The following TBC1D16 variants were observed in gnomAD, a reference collection of about 807,000 sequenced individuals.
The protein encoded by TBC1D16 is CTD-2529O21.1.
A neutral mutation model predicts 74.7 loss-of-function variants in TBC1D16; 58 were observed. That is an observed-to-expected ratio of 0.78 (90% confidence interval 0.63 to 0.97). The LOEUF is 0.97. Ranked by LOEUF, TBC1D16 falls within the 50% of genes least tolerant of loss-of-function variation. TBC1D16 has a pLI of 0.00. For missense variants in TBC1D16, 1,014 were observed against 1,079.5 expected, an observed-to-expected ratio of 0.94 and a Z score of 0.85; for synonymous variants, 493 against 474.7, an observed-to-expected ratio of 1.04 and a Z score of -0.50.
At position 79,949,881 on chromosome 17, in the gene TBC1D16, A is replaced by G. The variant is rs780699116; in HGVS notation, c.1258-16T>C. 30 of 1,609,762 alleles carry G rather than the reference A, an allele frequency of 1.9e-5. No individual in the cohort carries two copies. In the East Asian group the frequency reaches 2.0e-4, roughly 11 times the overall value. ...AGAAAATGGCCTGGAGGAAGCGGCAAAAGTTGGGGAGGGGATAAAATGGGG... is the reference window on the plus strand; with the variant it reads ...AGAAAATGGCCTGGAGGAAGCGGCAGAAGTTGGGGAGGGGATAAAATGGGG... On this transcript the variant is annotated splice_polypyrimidine_tract_variant and intron_variant, in intron 6 of 11. Coordinates refer to ENST00000310924, the MANE Select transcript of TBC1D16 (RefSeq NM_019020.4).
rs2031841585 is a variant in TBC1D16, at chr17:79,939,886, CTTGG to C, written c.*969_*972del. 1 of 152,214 alleles carries C rather than the reference CTTGG, an allele frequency of 6.6e-6. No homozygotes were observed. The highest frequency in any genetic ancestry group is 2.4e-5 in the African/African-American group (1 of 41,436). The allele number at this position is 152,214 out of a possible 1,614,324, so 9.4% of individuals were successfully genotyped here. A position where few individuals can be genotyped will look rare whatever the true frequency, so the allele number is the denominator to read the frequency against. Reference sequence around the variant, plus strand: ...TCTAACTATTTCCAGGTGTCCTTGTCTTGGTTGGTCAGCTAATACACTACCACGT... The same window carrying C: ...TCTAACTATTTCCAGGTGTCCTTGTCTTGGTCAGCTAATACACTACCACGT... On this transcript the variant is annotated 3_prime_UTR_variant, in exon 12 of 12. Transcript: ENST00000310924.
chr17:79,996,297 T>C (rs977337081), intron 3 of TBC1D16, among the ~76,000 whole-genome samples: 3 of 152,194 alleles, frequency 2.0e-5, no homozygotes, highest in African/African-American at 7.2e-5. Flanking sequence ...TATATATTAT[T>C]AAGATATAAG....
At chr17:80,013,298 C>T (rs2035959261) in intron 2 of TBC1D16, 69 bp downstream of exon 2, 1 of 1,452,192 alleles carries the variant, frequency 6.9e-7, no homozygotes, top group South Asian at 1.3e-5. Context: ...TGGCCCAGGG[C>T]CTTTAGAGCC....
intron 1 of TBC1D16, chr17:80,025,965 C>T (rs2036570913): frequency 1.3e-5 from 2 of 149,958 alleles, no homozygotes; most frequent in Non-Finnish European, 2.9e-5. Flanking sequence ...AAACCTAAAA[C>T]TGCTCTAAAC....
At position 79,961,186 on chromosome 17, in the gene TBC1D16, G is replaced by A. The variant is rs2033599882; in HGVS notation, c.780-8368C>T. Among the ~76,000 whole-genome samples the A allele has an allele frequency of 6.6e-6, 1 of 152,182 alleles. No individual in the cohort carries two copies. Among genetic ancestry groups the A allele is most frequent in the Non-Finnish European group, 1.5e-5 (1 of 68,042 alleles). On this transcript the variant is annotated intron_variant, in intron 3 of 11. Coordinates refer to ENST00000310924, the MANE Select transcript of TBC1D16 (RefSeq NM_019020.4). The surrounding 1 kb of genome is among the most constrained non-coding windows in gnomAD (Gnocchi z 4.8). ...TGCTGATATGCATGACGATATGGAA[G>A]CATCTCAGTTGTATTATGTTAAGTG... is the stretch of plus-strand genomic sequence containing the variant.
In TBC1D16 at chr17:79,936,903, CAT is replaced by C. The variant is rs1491458556; in HGVS notation, c.*3954_*3955del. Reference sequence around the variant, plus strand: ...GTGTGTGTGCATGCGTGCGTGTGTGCATGTGCGTGTGTGTGTGTGTGTGTGTG... The same window carrying C: ...GTGTGTGTGCATGCGTGCGTGTGTGCGTGCGTGTGTGTGTGTGTGTGTGTG... On this transcript the variant is annotated 3_prime_UTR_variant, in exon 12 of 12. Transcript: ENST00000310924. The C allele has an allele frequency of 5.0e-3, 465 of 92,112 alleles. 1 individual carries two copies. The highest frequency in any genetic ancestry group is 0.018 in the South Asian group (49 of 2,656). The allele number at this position is 92,112 out of a possible 1,614,324, so 5.7% of individuals were successfully genotyped here.
rs115835273 is a variant in TBC1D16, at chr17:79,956,561, C to A, written c.780-3743G>T. Reference sequence around the variant, plus strand: ...GAGCCACCACGCTGGGCCCGGTGGTCGCTTTAAGTTGCTGAGTTTGAGGGC... The same window carrying A: ...GAGCCACCACGCTGGGCCCGGTGGTAGCTTTAAGTTGCTGAGTTTGAGGGC... On this transcript the variant is annotated intron_variant, in intron 3 of 11. Transcript: ENST00000310924. This position sits in a 1 kb window ranked among gnomAD's most constrained non-coding sequence, Gnocchi z 4.0. Among the ~76,000 whole-genome samples the A allele has an allele frequency of 6.6e-6, 1 of 152,230 alleles. No homozygotes were observed. Among genetic ancestry groups the A allele is most frequent in the African/African-American group, 2.4e-5 (1 of 41,540 alleles).
chr17:79,952,525 G>A lies in TBC1D16; in HGVS notation c.941+132C>T, dbSNP rs559693437. 16 of 1,160,132 alleles carry A rather than the reference G, an allele frequency of 1.4e-5. No individual in the cohort carries two copies. The African/African-American group carries it at 2.3e-4, about 17-fold the overall frequency. The allele number at this position is 1,160,132 out of a possible 1,614,324, so 71.9% of individuals were successfully genotyped here. A position where few individuals can be genotyped will look rare whatever the true frequency, so the allele number is the denominator to read the frequency against. On this transcript the variant is annotated intron_variant, in intron 4 of 11. Transcript: ENST00000310924. ...CCCACAAGATCAGCGAGGGAGGAAA[G>A]CAGACGCTTGGGAAGACTCCATCCA...
At chr17:80,028,744 G>A (rs1179268475) in intron 1 of TBC1D16, among the ~76,000 whole-genome samples, 1 of 151,218 alleles carries the variant, frequency 6.6e-6, no homozygotes, top group Admixed American at 6.6e-5. Context: ...CAGAGTAGCT[G>A]GAATTACAGG....
Position 79,947,832 on chromosome 17 carries a change from C to T in TBC1D16, c.1542-1G>A, listed in dbSNP as rs753115085. On this transcript the variant is annotated splice_acceptor_variant, in intron 8 of 11. Coordinates refer to ENST00000310924, the MANE Select transcript of TBC1D16 (RefSeq NM_019020.4). LOFTEE classifies it high-confidence loss of function. ...CACGGCGTAGTTCAGCAGGATCCTC[C>T]TGGGAGGCGGTGGAGACAGCAGTGG... is the stretch of plus-strand genomic sequence containing the variant. 6.2e-7 allele frequency: 1 copy of T among 1,612,310 alleles called. No homozygotes were observed. The highest frequency in any genetic ancestry group is 1.1e-5 in the South Asian group (1 of 91,028).
At chr17:79,967,380 T>C (rs980667859) in intron 3 of TBC1D16, among the ~76,000 whole-genome samples, 1 of 152,208 alleles carries the variant, frequency 6.6e-6, no homozygotes, top group Non-Finnish European at 1.5e-5. Flanking sequence ...ATTAGGAATC[T>C]ACACACATAC....
At position 80,008,445 on chromosome 17, in the gene TBC1D16, C is replaced by T. The variant is rs2035757885; in HGVS notation, c.779+1715G>A. Among the ~76,000 whole-genome samples, 1 of 152,156 alleles carries T rather than the reference C, an allele frequency of 6.6e-6. No homozygotes were observed. The highest frequency in any genetic ancestry group is 1.5e-5 in the Non-Finnish European group (1 of 68,026). ...CTGGTTGTGGTTCTGCCACAGAATC[C>T]TCAGCCCCAAGACCGTGGGCCAACC... On this transcript the variant is annotated intron_variant, in intron 3 of 11. Transcript: ENST00000310924. This position sits in a 1 kb window ranked among gnomAD's most constrained non-coding sequence, Gnocchi z 4.5.
intron 10 of TBC1D16, among the ~76,000 whole-genome samples, chr17:79,942,846 G>A (rs1014361961): frequency 3.3e-5 from 5 of 152,152 alleles, no homozygotes; most frequent in Non-Finnish European, 5.9e-5. Context: ...GCCTCTTTTC[G>A]GGCATACTTT....
Position 79,994,231 on chromosome 17 carries a change from G to C in TBC1D16, c.779+15929C>G, listed in dbSNP as rs1021210212. Among the ~76,000 whole-genome samples the C allele has an allele frequency of 7.9e-5, 12 of 151,628 alleles. No homozygotes were observed. The highest frequency in any genetic ancestry group is 2.9e-4 in the African/African-American group (12 of 41,214). On this transcript the variant is annotated intron_variant, in intron 3 of 11. Coordinates refer to ENST00000310924, the MANE Select transcript of TBC1D16 (RefSeq NM_019020.4). The surrounding 1 kb of genome is among the most constrained non-coding windows in gnomAD (Gnocchi z 4.6). Reference sequence around the variant, plus strand: ...TCCGCCCCCATCTCTTTAGAATCCAGCTCCCTTGGGGGACATACCTGGCTG... The same window carrying C: ...TCCGCCCCCATCTCTTTAGAATCCACCTCCCTTGGGGGACATACCTGGCTG...
chr17:80,025,553 G>A (rs939100858), intron 1 of TBC1D16, among the ~76,000 whole-genome samples: 6 of 127,998 alleles, frequency 4.7e-5, no homozygotes, highest in Non-Finnish European at 1.1e-4. Context: ...TGGCACCTGG[G>A]CTTCGGGGCC....
In TBC1D16 at chr17:79,956,962, G is replaced by C. The variant is rs376049139; in HGVS notation, c.780-4144C>G. 2.4e-4 allele frequency among the ~76,000 whole-genome samples: 36 copies of C among 152,328 alleles called. No individual in the cohort carries two copies. Among genetic ancestry groups the C allele is most frequent in the African/African-American group, 8.7e-4 (36 of 41,576 alleles). ...GGTGTGCGGTGGCTCCTGGGTCCAGGACTCTTGCCTAGATAGAAACTGGCA... is the reference window on the plus strand; with the variant it reads ...GGTGTGCGGTGGCTCCTGGGTCCAGCACTCTTGCCTAGATAGAAACTGGCA... On this transcript the variant is annotated intron_variant, in intron 3 of 11. Coordinates refer to ENST00000310924, the MANE Select transcript of TBC1D16 (RefSeq NM_019020.4). The surrounding 1 kb of genome is among the most constrained non-coding windows in gnomAD (Gnocchi z 4.0).
intron 4 of TBC1D16, chr17:79,951,864 A>T: frequency 2.9e-6 from 1 of 347,090 alleles, no homozygotes; most frequent in Non-Finnish European, 5.3e-6. Context: ...TCTCCCCACC[A>T]CCCCCTGCCC....
intron 3 of TBC1D16, among the ~76,000 whole-genome samples, chr17:79,966,888 T>C (rs2144018656): frequency 6.6e-6 from 1 of 152,294 alleles, no homozygotes; most frequent in East Asian, 1.9e-4. Flanking sequence ...CAGGAATGCA[T>C]GACTGGTTCA....
chr17:79,989,530 G>A (rs2034981713), intron 3 of TBC1D16, among the ~76,000 whole-genome samples: 3 of 152,216 alleles, frequency 2.0e-5, no homozygotes, highest in South Asian at 2.1e-4. Flanking sequence ...TCATAAATAC[G>A]AGTTGTCGTT....
Sources: allele counts gnomAD v4.1 joint callset (sites outside exome capture counted in the v4.1 genomes callset), GRCh38; gene constraint gnomAD v4.1.1; non-coding constraint Gnocchi (gnomAD v3.1); transcripts MANE v1.5; gene names NCBI Gene and HGNC (gene_info 2026-07-23, HGNC 2026-07-21).